The following PRLR variants were observed in gnomAD, a reference collection of about 807,000 sequenced individuals.
PRLR encodes the protein hPRL receptor.
Under a neutral mutation model 40.2 loss-of-function variants are expected in PRLR, and 13 were observed. The observed-to-expected ratio is 0.32, with a 90% CI of 0.21 to 0.51. The LOEUF (loss-of-function observed/expected upper bound fraction) is 0.51. Among genes scored for constraint, PRLR ranks in the 20% least tolerant of loss-of-function variants. The pLI is 0.97. For synonymous variants in PRLR, 269 were observed against 278.7 expected, an observed-to-expected ratio of 0.97 and a Z score of 0.35; for missense variants, 656 against 747.3, an observed-to-expected ratio of 0.88 and a Z score of 1.42.
chr5:35,129,918 C>T (rs1408491055), intron 1 of PRLR, among the ~76,000 whole-genome samples: 1 of 152,058 alleles, frequency 6.6e-6, no homozygotes, highest in African/African-American at 2.4e-5. Flanking sequence ...GGATATCTGT[C>T]CAGAATCCAA....
chr5:35,120,873 G>T (rs1022434129), intron 1 of PRLR, among the ~76,000 whole-genome samples: 3 of 152,158 alleles, frequency 2.0e-5, no homozygotes, highest in Non-Finnish European at 2.9e-5. Flanking sequence ...AATATTTTCA[G>T]CTTTGTAGGC....
chr5:35,226,477 C>A (rs4254878), intron 1 of PRLR, among the ~76,000 whole-genome samples: 1 of 152,034 alleles, frequency 6.6e-6, no homozygotes, highest in Admixed American at 6.6e-5. Flanking sequence ...TAGAATAGTA[C>A]AGTAGGCATT....
In PRLR at chr5:35,103,815, C is replaced by T. The variant is rs867749842; in HGVS notation, c.-43-14152G>A. On this transcript the variant is annotated intron_variant, in intron 2 of 9. Coordinates refer to ENST00000618457, the MANE Select transcript of PRLR (RefSeq NM_000949.7). Reference sequence around the variant, plus strand: ...CCAATGCTCTCAATTATAGCAATTGCCAGTTTATTTGCAAGTCAAAATATA... The same window carrying T: ...CCAATGCTCTCAATTATAGCAATTGTCAGTTTATTTGCAAGTCAAAATATA... 4.8e-4 allele frequency among the ~76,000 whole-genome samples: 73 copies of T among 152,264 alleles called. No homozygotes were observed. In the Middle Eastern group the frequency reaches 0.014, roughly 28 times the overall value.
At chr5:35,152,074 C>CCAA (rs1774359425) in intron 1 of PRLR, among the ~76,000 whole-genome samples, 1 of 152,140 alleles carries the variant, frequency 6.6e-6, no homozygotes, top group Non-Finnish European at 1.5e-5. Flanking sequence ...ATACTATTTT[C>CCAA]AGTTTTTTGG....
At chr5:35,208,438 T>G (rs1373056107) in intron 1 of PRLR, among the ~76,000 whole-genome samples, 1 of 152,182 alleles carries the variant, frequency 6.6e-6, no homozygotes, top group Non-Finnish European at 1.5e-5. Context: ...CTGGTTTTGT[T>G]TGTCTATCCC....
chr5:35,070,870 C>G (rs370470396), intron 6 of PRLR, among the ~76,000 whole-genome samples: 5 of 132,028 alleles, frequency 3.8e-5, no homozygotes, highest in Non-Finnish European at 8.2e-5. Context: ...AAAAGAATAA[C>G]AAAATTAAAG....
intron 2 of PRLR, among the ~76,000 whole-genome samples, chr5:35,101,752 T>C (rs1447617726): frequency 1.3e-5 from 2 of 148,342 alleles, no homozygotes; most frequent in Non-Finnish European, 3.0e-5. Flanking sequence ...ATATAACATA[T>C]ATACATATAA....
Position 35,064,995 on chromosome 5 carries a change from G to A in PRLR, c.*94C>T, listed in dbSNP as rs1010216821. ...GAAAGGAGCTGGGAGCTTTAGTAGT[G>A]TCAGTCTGACTACATTCTTGAGCAT... On this transcript the variant is annotated 3_prime_UTR_variant, in exon 10 of 10. Coordinates refer to ENST00000618457, the MANE Select transcript of PRLR (RefSeq NM_000949.7). 5.8e-6 allele frequency: 8 copies of A among 1,386,672 alleles called. No homozygotes were observed. The highest frequency in any genetic ancestry group is 6.9e-6 in the Non-Finnish European group (7 of 1,021,538). The allele number at this position is 1,386,672 out of a possible 1,614,324, so 85.9% of individuals were successfully genotyped here.
chr5:35,226,297 G>A (rs1394910769), intron 1 of PRLR, among the ~76,000 whole-genome samples: 1 of 152,216 alleles, frequency 6.6e-6, no homozygotes, highest in South Asian at 2.1e-4. Context: ...GCTTTGGAGT[G>A]AAATAGACTA....
intron 1 of PRLR, among the ~76,000 whole-genome samples, chr5:35,173,251 A>G (rs142901286): frequency 6.6e-6 from 1 of 152,294 alleles, no homozygotes; most frequent in African/African-American, 2.4e-5. Context: ...ATAAAATTCA[A>G]CATCTCCCAG....
intron 1 of PRLR, among the ~76,000 whole-genome samples, chr5:35,118,928 G>A (rs1415025844): frequency 6.6e-6 from 1 of 151,954 alleles, no homozygotes; most frequent in East Asian, 1.9e-4. Flanking sequence ...CCAAGTAGCT[G>A]GGACTACAGG....
At chr5:35,225,049 C>T (rs1288136108) in intron 1 of PRLR, among the ~76,000 whole-genome samples, 1 of 152,160 alleles carries the variant, frequency 6.6e-6, no homozygotes, top group East Asian at 1.9e-4. Flanking sequence ...CATGAGATTA[C>T]TTATTTAATG....
chr5:35,227,763 A>G (rs976270783), intron 1 of PRLR, among the ~76,000 whole-genome samples: 7 of 152,224 alleles, frequency 4.6e-5, no homozygotes, highest in Non-Finnish European at 8.8e-5. Flanking sequence ...CCAAACTGTG[A>G]AAGATGACAA....
chr5:35,116,499 T>A (rs1259825915), intron 2 of PRLR, among the ~76,000 whole-genome samples: 1 of 152,160 alleles, frequency 6.6e-6, no homozygotes, highest in Non-Finnish European at 1.5e-5. Flanking sequence ...GCGGCCAAAT[T>A]TTCCGGGAGC....
chr5:35,157,379 G>C (rs959062540), intron 1 of PRLR, among the ~76,000 whole-genome samples: 4 of 152,094 alleles, frequency 2.6e-5, no homozygotes, highest in African/African-American at 9.7e-5. Context: ...TACTTCAAGG[G>C]GGCTGAGGTA....
chr5:35,063,749 C>G lies in PRLR; in HGVS notation c.*1340G>C, dbSNP rs1769182630. The G allele has an allele frequency of 6.6e-6, 1 of 152,296 alleles. No individual in the cohort carries two copies. The highest frequency in any genetic ancestry group is 2.1e-4 in the South Asian group (1 of 4,824). The allele number at this position is 152,296 out of a possible 1,614,324, so 9.4% of individuals were successfully genotyped here. On this transcript the variant is annotated 3_prime_UTR_variant, in exon 10 of 10. Coordinates refer to ENST00000618457, the MANE Select transcript of PRLR (RefSeq NM_000949.7). ...AAAAGCAAAACCTCTCTCTTTTAAA[C>G]AGCTGTTAGAAATCGTCGCCCTCCC...
intron 1 of PRLR, among the ~76,000 whole-genome samples, chr5:35,224,631 G>T (rs1776505282): frequency 6.6e-6 from 1 of 152,198 alleles, no homozygotes; most frequent in Non-Finnish European, 1.5e-5. Context: ...TCATAACCAT[G>T]GCCAATTTGT....
At chr5:35,087,474 G>GCTT in intron 3 of PRLR, among the ~76,000 whole-genome samples, 1 of 150,088 alleles carries the variant, frequency 6.7e-6, no homozygotes, top group African/African-American at 2.5e-5. Context: ...GTTGCAAAGG[G>GCTT]CTTCCTTTGG....
chr5:35,063,908 G>A lies in PRLR; in HGVS notation c.*1181C>T, dbSNP rs1383667416. 10 of 152,176 alleles carry A rather than the reference G, an allele frequency of 6.6e-5. No homozygotes were observed. The highest frequency in any genetic ancestry group is 6.5e-4 in the Admixed American group (10 of 15,270). 9.4% of individuals were successfully genotyped at this position (152,176 alleles called of 1,614,324 possible). A position where few individuals can be genotyped will look rare whatever the true frequency, so the allele number is the denominator to read the frequency against. The stretch of plus-strand genomic sequence containing the variant: ...TAGGTTGGTGGTGGTGGTAGCAGTT[G>A]TTTAAAGTGTCCTGGAGATCAAAAG... On this transcript the variant is annotated 3_prime_UTR_variant, in exon 10 of 10. Coordinates refer to ENST00000618457, the MANE Select transcript of PRLR (RefSeq NM_000949.7).
Sources: gnomAD v4.1 joint callset for allele counts (sites outside exome capture counted in the v4.1 genomes callset) on GRCh38, gnomAD v4.1.1 for gene constraint, MANE v1.5 for transcripts, NCBI Gene and HGNC (gene_info 2026-07-23, HGNC 2026-07-21) for gene names.